The following FGF12 variants were observed in gnomAD, a reference collection of about 807,000 sequenced individuals.
FGF12 encodes the protein fibroblast growth factor 12, also known as fibroblast growth factor 12B.
FGF12 carries 14 observed loss-of-function variants against 23.6 expected under a neutral mutation model. The observed-to-expected ratio is 0.59, with a 90% CI of 0.39 to 0.93. The LOEUF (loss-of-function observed/expected upper bound fraction) is 0.93. FGF12 is among the 40% of genes least tolerant of loss of function. The pLI, the probability that FGF12 is intolerant of heterozygous loss-of-function variation, is 0.00. For synonymous variants in FGF12, 62 were observed against 77.3 expected (o/e 0.80, Z 1.04); for missense variants, 175 against 217.8 (o/e 0.80, Z 1.24).
intron 2 of FGF12, among the ~76,000 whole-genome samples, chr3:192,702,530 C>A (rs976866673): frequency 6.6e-6 from 1 of 150,700 alleles, no homozygotes; most frequent in Non-Finnish European, 1.5e-5. Context: ...CAGTGGATCA[C>A]GCCTGTAATC....
chr3:192,302,405 G>A (rs1409732400), intron 4 of FGF12, among the ~76,000 whole-genome samples: 8 of 152,140 alleles, frequency 5.3e-5, no homozygotes, highest in Non-Finnish European at 5.9e-5. Flanking sequence ...GTTGGGGTGG[G>A]ATTTCTCCCC....
At chr3:192,468,158 G>T (rs2108811982) in intron 2 of FGF12, among the ~76,000 whole-genome samples, 1 of 152,244 alleles carries the variant, frequency 6.6e-6, no homozygotes, top group Middle Eastern at 3.4e-3. Context: ...TGGTTTCAAT[G>T]ACAATCTTTT....
intron 2 of FGF12, among the ~76,000 whole-genome samples, chr3:192,432,652 A>G (rs1339893415): frequency 1.3e-5 from 2 of 151,500 alleles, no homozygotes; most frequent in African/African-American, 4.8e-5. Flanking sequence ...AGAAAGAAAG[A>G]AAGAAAGAAA....
intron 2 of FGF12, chr3:192,408,000 G>A (rs762827153): frequency 2.5e-6 from 4 of 1,586,222 alleles, no homozygotes; most frequent in South Asian, 2.3e-5. Context: ...CCTCTGGGGA[G>A]CCCACTCTCC....
chr3:192,276,377 G>T (rs1329793000), intron 4 of FGF12, among the ~76,000 whole-genome samples: 2 of 152,118 alleles, frequency 1.3e-5, no homozygotes, highest in Non-Finnish European at 2.9e-5. Context: ...ATCATCCAGC[G>T]CAAATCACAA....
intron 2 of FGF12, among the ~76,000 whole-genome samples, chr3:192,429,085 T>TA (rs1721774699): frequency 6.6e-6 from 1 of 152,080 alleles, no homozygotes; most frequent in Non-Finnish European, 1.5e-5. Flanking sequence ...CCCAAACACC[T>TA]AGCACAATGC....
chr3:192,689,739 C>A lies in FGF12; in HGVS notation c.13+37442G>T, dbSNP rs545896021. 3.6e-3 allele frequency among the ~76,000 whole-genome samples: 550 copies of A among 151,668 alleles called. 3 individuals are homozygous for A. Among genetic ancestry groups the A allele is most frequent in the African/African-American group, 0.013 (527 of 41,440 alleles). ...AACAGAGAGAGAAAGGGACAGAAAA[C>A]CATTATTTAGAAAAATAATGGCTAA... On this transcript the variant is annotated intron_variant, in intron 2 of 5. Transcript: ENST00000445105.
chr3:192,325,600 G>A (rs966709170), intron 4 of FGF12, among the ~76,000 whole-genome samples: 3 of 152,148 alleles, frequency 2.0e-5, no homozygotes, highest in African/African-American at 7.2e-5. Context: ...AAAGTACGTT[G>A]ATAAGGAAAC....
chr3:192,638,621 G>C (rs1715673000), intron 2 of FGF12, among the ~76,000 whole-genome samples: 1 of 152,214 alleles, frequency 6.6e-6, no homozygotes, highest in Non-Finnish European at 1.5e-5. Context: ...ATAGCTCTTA[G>C]CAATTGAATA....
chr3:192,389,825 T>C (rs1032344326), intron 2 of FGF12, among the ~76,000 whole-genome samples: 14 of 152,354 alleles, frequency 9.2e-5, no homozygotes, highest in Middle Eastern at 6.8e-3. Flanking sequence ...ATAAATATTA[T>C]ATGTCTGACT....
chr3:192,225,312 C>A (rs1363299000), intron 4 of FGF12, among the ~76,000 whole-genome samples: 2 of 152,222 alleles, frequency 1.3e-5, no homozygotes, highest in Middle Eastern at 3.4e-3. Flanking sequence ...ATTCCATCGT[C>A]ATTCTCTGCC....
At chr3:192,209,161 T>C (rs907381170) in intron 4 of FGF12, among the ~76,000 whole-genome samples, 5 of 152,224 alleles carry the variant, frequency 3.3e-5, no homozygotes, top group Admixed American at 1.3e-4. Flanking sequence ...AAAGCTGATT[T>C]AAATGAGTTG....
intron 2 of FGF12, among the ~76,000 whole-genome samples, chr3:192,692,662 C>A (rs1717979279): frequency 6.7e-6 from 1 of 149,720 alleles, no homozygotes; most frequent in Non-Finnish European, 1.5e-5. Flanking sequence ...GCTAAGATCA[C>A]ACCACTATAA....
intron 2 of FGF12, among the ~76,000 whole-genome samples, chr3:192,622,703 A>C (rs1317243978): frequency 6.6e-6 from 1 of 152,230 alleles, no homozygotes; most frequent in Admixed American, 6.5e-5. Context: ...GATGCATTTC[A>C]TAAACTGTGA....
intron 2 of FGF12, among the ~76,000 whole-genome samples, chr3:192,584,034 T>C (rs1200702837): frequency 1.3e-5 from 2 of 152,164 alleles, no homozygotes; most frequent in Non-Finnish European, 2.9e-5. Context: ...GTTTAATGAT[T>C]CCGGTATTTC....
chr3:192,410,864 G>A (rs756384272), intron 2 of FGF12, among the ~76,000 whole-genome samples: 4 of 152,194 alleles, frequency 2.6e-5, no homozygotes, highest in Non-Finnish European at 5.9e-5. Context: ...ACACTGGGCA[G>A]AGGAGTTCTC....
At chr3:192,551,429 G>A (rs1029272023) in intron 2 of FGF12, among the ~76,000 whole-genome samples, 2 of 152,220 alleles carry the variant, frequency 1.3e-5, no homozygotes, top group Admixed American at 1.3e-4. Context: ...CTTTTGTTCA[G>A]GAGAGTATTC....
chr3:192,430,235 G>C (rs1480219663), intron 2 of FGF12, among the ~76,000 whole-genome samples: 1 of 151,986 alleles, frequency 6.6e-6, no homozygotes, highest in African/African-American at 2.4e-5. Flanking sequence ...GAACTTGAGG[G>C]CATTATGCCA....
intron 4 of FGF12, among the ~76,000 whole-genome samples, chr3:192,216,850 C>G (rs531137596): frequency 6.6e-6 from 1 of 152,128 alleles, no homozygotes; most frequent in African/African-American, 2.4e-5. Flanking sequence ...CTCTGGTTTC[C>G]AACTCTTATC....
Sources: gnomAD v4.1 joint callset for allele counts (sites outside exome capture counted in the v4.1 genomes callset) on GRCh38, gnomAD v4.1.1 for gene constraint, MANE v1.5 for transcripts, NCBI Gene and HGNC (gene_info 2026-07-23, HGNC 2026-07-21) for gene names.